The following DOCK2 variants were observed in gnomAD, a reference collection of about 807,000 sequenced individuals.
DOCK2 encodes the protein dedicator of cytokinesis protein 2.
Under a neutral mutation model 248.9 loss-of-function variants are expected in DOCK2, and 87 were observed. That is an observed-to-expected ratio of 0.35 (90% CI 0.29 to 0.42). The LOEUF is 0.42. DOCK2 is among the 10% of genes least tolerant of loss of function. DOCK2 has a pLI of 1.00. For synonymous variants in DOCK2, 805 were observed against 821.6 expected (o/e 0.98, Z 0.35); for missense variants, 1,747 against 2,300.2 (o/e 0.76, Z 4.92).
intron 5 of DOCK2, among the ~76,000 whole-genome samples, chr5:169,671,607 T>C (rs964851217): frequency 5.9e-5 from 9 of 152,200 alleles, no homozygotes; most frequent in South Asian, 2.1e-4. Context: ...TATGAAGAAG[T>C]TTTGACTTTG....
chr5:169,916,629 A>G (rs773046878), intron 27 of DOCK2, among the ~76,000 whole-genome samples: 1 of 152,182 alleles, frequency 6.6e-6, no homozygotes, highest in Non-Finnish European at 1.5e-5. Context: ...TGCTTAGAAG[A>G]GTACCTGGCA....
chr5:169,924,747 C>A (rs1369114269), intron 27 of DOCK2, among the ~76,000 whole-genome samples: 1 of 152,182 alleles, frequency 6.6e-6, no homozygotes, highest in Admixed American at 6.5e-5. Flanking sequence ...CAGGACATTT[C>A]TTTTCCAACC....
chr5:170,000,355 C>G (rs1366174398), intron 30 of DOCK2: 1 of 152,196 alleles, frequency 6.6e-6, no homozygotes, highest in Non-Finnish European at 1.5e-5. Flanking sequence ...ACCCATTTCC[C>G]TGGTGAATAA....
chr5:169,732,396 G>C (rs1346156017), intron 22 of DOCK2, among the ~76,000 whole-genome samples: 1 of 152,028 alleles, frequency 6.6e-6, no homozygotes, highest in Non-Finnish European at 1.5e-5. Flanking sequence ...ATCCACGCCC[G>C]TTGCTTCAGT....
At chr5:169,953,228 G>A (rs1776735982) in intron 27 of DOCK2, among the ~76,000 whole-genome samples, 1 of 151,872 alleles carries the variant, frequency 6.6e-6, no homozygotes, top group African/African-American at 2.4e-5. Context: ...AGCTACTCAG[G>A]AGGCTGAGGC....
At chr5:170,028,826 C>G (rs1322664140) in intron 34 of DOCK2, among the ~76,000 whole-genome samples, 2 of 152,126 alleles carry the variant, frequency 1.3e-5, no homozygotes, top group Non-Finnish European at 2.9e-5. Flanking sequence ...GCCACCATTA[C>G]TCTGCATTTT....
chr5:169,975,330 A>G (rs1465485377), intron 27 of DOCK2, among the ~76,000 whole-genome samples: 1 of 152,236 alleles, frequency 6.6e-6, no homozygotes, highest in Non-Finnish European at 1.5e-5. Context: ...GCTTTCCAGC[A>G]CACAGCAGCT....
At chr5:169,988,050 CAAT>C (rs1176410677) in intron 29 of DOCK2, among the ~76,000 whole-genome samples, 1 of 152,076 alleles carries the variant, frequency 6.6e-6, no homozygotes, top group Non-Finnish European at 1.5e-5. Flanking sequence ...AGGAAAATAT[CAAT>C]AATAATAGCG....
chr5:169,776,523 T>C (rs376006820), intron 25 of DOCK2, among the ~76,000 whole-genome samples: 2 of 152,200 alleles, frequency 1.3e-5, no homozygotes, highest in East Asian at 1.9e-4. Context: ...ATCTGATTTC[T>C]GAAAATTATT....
In DOCK2 at chr5:169,681,884, G is replaced by A. The variant is rs1429897339; in HGVS notation, c.606+5G>A. The stretch of plus-strand genomic sequence containing the variant: ...GAGCGTATCAAAGAAGAAATGGTGA[G>A]CTTTACTAAATAGGCTTTGGCCAAG... On this transcript the variant is annotated splice_donor_5th_base_variant and intron_variant, in intron 7 of 51. Transcript: ENST00000520908. 5.6e-6 allele frequency: 9 copies of A among 1,612,906 alleles called. No individual in the cohort carries two copies. The highest frequency in any genetic ancestry group is 7.6e-6 in the Non-Finnish European group (9 of 1,179,692).
Position 169,918,037 on chromosome 5 carries a change from C to G in DOCK2, c.2800-65031C>G, listed in dbSNP as rs57709459. ...GCAAGGAAAGGTATTTAGCTGGGAT[C>G]TGAGGATTAGCATAAACTTCTGATA... On this transcript the variant is annotated intron_variant, in intron 27 of 51. Transcript: ENST00000520908. Among the ~76,000 whole-genome samples, 673 of 152,296 alleles carry G rather than the reference C, an allele frequency of 4.4e-3. 5 individuals are homozygous for G. Among genetic ancestry groups the G allele is most frequent in the Middle Eastern group, 0.017 (5 of 294 alleles).
intron 30 of DOCK2, among the ~76,000 whole-genome samples, chr5:170,001,869 T>C (rs1026476897): frequency 2.6e-5 from 4 of 152,216 alleles, no homozygotes; most frequent in Non-Finnish European, 4.4e-5. Flanking sequence ...TGGGTGAATC[T>C]ACTTTGCTTG....
chr5:169,669,129 T>C (rs536749934), intron 2 of DOCK2, among the ~76,000 whole-genome samples, 159 bp from the exon 3 acceptor site: 1 of 152,292 alleles, frequency 6.6e-6, no homozygotes, highest in Non-Finnish European at 1.5e-5. Flanking sequence ...ATTCAACAGA[T>C]TTCAAAGACT....
intron 26 of DOCK2, among the ~76,000 whole-genome samples, chr5:169,825,243 C>T (rs1246927950): frequency 6.6e-6 from 1 of 152,080 alleles, no homozygotes; most frequent in Non-Finnish European, 1.5e-5. Context: ...CTAGAAATAC[C>T]ATTTGACCCA....
intron 25 of DOCK2, among the ~76,000 whole-genome samples, chr5:169,798,489 T>G (rs192410115): frequency 3.4e-4 from 52 of 152,338 alleles, no homozygotes; most frequent in Non-Finnish European, 6.9e-4. Flanking sequence ...TTTCCTTGGA[T>G]TCATATCTTA....
intron 44 of DOCK2, among the ~76,000 whole-genome samples, chr5:170,059,672 T>C (rs1427844396): frequency 6.6e-6 from 1 of 152,260 alleles, no homozygotes; most frequent in Non-Finnish European, 1.5e-5. Context: ...TTTTATTTTC[T>C]GCCATACCTC....
intron 27 of DOCK2, among the ~76,000 whole-genome samples, chr5:169,876,075 G>C (rs1412967242): frequency 6.6e-6 from 1 of 152,182 alleles, no homozygotes; most frequent in African/African-American, 2.4e-5. Flanking sequence ...TTTGGGGTCT[G>C]CCATGCCTCC....
intron 27 of DOCK2, among the ~76,000 whole-genome samples, chr5:169,844,581 A>G (rs1251409625): frequency 6.6e-6 from 1 of 152,198 alleles, no homozygotes; most frequent in Non-Finnish European, 1.5e-5. Context: ...CATTCCCCCC[A>G]GCAATGTTTG....
intron 27 of DOCK2, among the ~76,000 whole-genome samples, chr5:169,973,274 C>T (rs78113585): frequency 0.026 from 4,014 of 152,264 alleles, 176 homozygotes; most frequent in African/African-American, 0.091. Flanking sequence ...CACAATGCAG[C>T]TGCCCTCATT....
Sources: gnomAD v4.1 joint callset for allele counts (sites outside exome capture counted in the v4.1 genomes callset) on GRCh38, gnomAD v4.1.1 for gene constraint, MANE v1.5 for transcripts, NCBI Gene and HGNC (gene_info 2026-07-23, HGNC 2026-07-21) for gene names.